TRAF2: variants seen among roughly 807,000 people sequenced by gnomAD.
TRAF2 encodes TNF receptor-associated factor 2.
In TRAF2, 6 loss-of-function variants were observed where a neutral mutation model predicts 55.6. The observed-to-expected ratio is 0.11, with a 90% CI of 0.06 to 0.21. The LOEUF (loss-of-function observed/expected upper bound fraction) is 0.21. TRAF2 is among the 10% of genes least tolerant of loss of function. The probability of loss-of-function intolerance (pLI) is 1.00; values close to 1 mark genes in which losing one functional copy is unlikely to be tolerated. For synonymous variants in TRAF2, 329 were observed against 276.3 expected (o/e 1.19, Z -1.89); for missense variants, 561 against 684.5 (o/e 0.82, Z 2.01).
intron 1 of TRAF2, among the ~76,000 whole-genome samples, chr9:136,893,929 T>A (rs994219532): frequency 6.6e-6 from 1 of 151,876 alleles, no homozygotes; most frequent in Non-Finnish European, 1.5e-5. Context: ...TTTGTATTTT[T>A]ACTAGAGATG....
intron 1 of TRAF2, among the ~76,000 whole-genome samples, chr9:136,891,373 G>A (rs561069068): frequency 6.6e-6 from 1 of 152,226 alleles, no homozygotes; most frequent in Admixed American, 6.5e-5. Flanking sequence ...CTCCCAAAGT[G>A]CTGGGATTAC....
intron 1 of TRAF2, chr9:136,889,423 A>AC (rs1849528845): frequency 6.6e-6 from 1 of 151,766 alleles, no homozygotes; most frequent in Non-Finnish European, 1.5e-5. Flanking sequence ...AGGTGGGATT[A>AC]CAGGCACCCA....
intron 1 of TRAF2, among the ~76,000 whole-genome samples, chr9:136,891,419 T>C (rs1403024432): frequency 1.3e-5 from 2 of 151,938 alleles, no homozygotes; most frequent in African/African-American, 4.8e-5. Flanking sequence ...TTTTTTTGTG[T>C]TTTTGGTAGA....
At chr9:136,919,680 T>TTCTTCCCTTCTTCCCTTCGTCCCG (rs17250546) in intron 7 of TRAF2, among the ~76,000 whole-genome samples, 2 of 148,724 alleles carry the variant, frequency 1.3e-5, no homozygotes, top group East Asian at 4.0e-4. Context: ...TTCCCTCCCC[T>TTCTTCCCTTCTTCCCTTCGTCCCG]TCTTCCCTTC....
intron 1 of TRAF2, chr9:136,889,549 T>C (rs559629089): frequency 6.6e-6 from 1 of 152,380 alleles, no homozygotes; most frequent in South Asian, 2.1e-4. Flanking sequence ...ACTCCCAAAG[T>C]GCTGGGATTA....
chr9:136,918,443 C>A (rs1018942794), intron 7 of TRAF2, among the ~76,000 whole-genome samples: 6 of 151,418 alleles, frequency 4.0e-5, no homozygotes, highest in African/African-American at 1.5e-4. Flanking sequence ...CTGTGTGCCA[C>A]CACACCCGGC....
chr9:136,883,882 C>T (rs1023832765), upstream of TRAF2, among the ~76,000 whole-genome samples: 3 of 147,882 alleles, frequency 2.0e-5, no homozygotes, highest in African/African-American at 5.1e-5. Flanking sequence ...AGTGTAGTGG[C>T]GCAATCTCGG....
intron 1 of TRAF2, among the ~76,000 whole-genome samples, chr9:136,893,959 G>A (rs964359066): frequency 2.7e-5 from 4 of 150,642 alleles, no homozygotes; most frequent in Non-Finnish European, 5.9e-5. Context: ...CATGTTGGTC[G>A]GGCTGGTCTC....
At chr9:136,907,333 T>A (rs969910116) in intron 4 of TRAF2, among the ~76,000 whole-genome samples, 1 of 152,252 alleles carries the variant, frequency 6.6e-6, no homozygotes, top group Non-Finnish European at 1.5e-5. Flanking sequence ...CACTACCAGG[T>A]TGTCAGCTCC....
At chr9:136,920,110 G>A in intron 7 of TRAF2, 124 bp from the exon 8 acceptor site, 7 of 1,237,436 alleles carry the variant, frequency 5.7e-6, no homozygotes, top group Non-Finnish European at 5.4e-6. Flanking sequence ...GGCCACCCAG[G>A]CATCCCTATC....
intron 6 of TRAF2, 104 bp downstream of exon 6, chr9:136,910,098 A>G: frequency 8.1e-7 from 1 of 1,234,206 alleles, no homozygotes; most frequent in Non-Finnish European, 1.2e-6. Flanking sequence ...CTTGTGCCCA[A>G]AGGAACAGCA....
At chr9:136,897,510 G>A (rs146176713) in intron 1 of TRAF2, among the ~76,000 whole-genome samples, 165 of 151,150 alleles carry the variant, frequency 1.1e-3, no homozygotes, top group African/African-American at 3.8e-3. Flanking sequence ...CCACATTCCT[G>A]CTCTAGGGGC....
At chr9:136,924,947 C>G (rs758507809) in intron 10 of TRAF2, among the ~76,000 whole-genome samples, 2 of 152,318 alleles carry the variant, frequency 1.3e-5, no homozygotes, top group South Asian at 2.1e-4. Flanking sequence ...CCATGTTGGC[C>G]AGGCTGGTCT....
chr9:136,903,690 G>T (rs7028806), intron 4 of TRAF2, among the ~76,000 whole-genome samples: 117,652 of 151,800 alleles, frequency 0.78, 45,973 homozygotes, highest in African/African-American at 0.87. Context: ...TTGTTTGTTT[G>T]TTGTTTTTTG....
At chr9:136,907,664 C>T (rs1849986555) in intron 4 of TRAF2, among the ~76,000 whole-genome samples, 1 of 152,154 alleles carries the variant, frequency 6.6e-6, no homozygotes, top group Non-Finnish European at 1.5e-5. Context: ...TCAGCCTGGA[C>T]CGCGTTGGGC....
chr9:136,899,413 G>C (rs1366536456), intron 2 of TRAF2, among the ~76,000 whole-genome samples, 181 bp from the exon 3 acceptor site: 2 of 151,946 alleles, frequency 1.3e-5, no homozygotes, highest in African/African-American at 4.9e-5. Context: ...GATAAAAACA[G>C]TGTGCTGTGA....
chr9:136,919,798 G>T (rs1463794813), intron 7 of TRAF2, among the ~76,000 whole-genome samples: 1 of 149,590 alleles, frequency 6.7e-6, no homozygotes, highest in Admixed American at 6.7e-5. Flanking sequence ...TCACTGCAGC[G>T]TCAACCTCCT....
chr9:136,887,919 GA>G (rs1849490493), intron 1 of TRAF2, among the ~76,000 whole-genome samples: 1 of 152,054 alleles, frequency 6.6e-6, no homozygotes, highest in African/African-American at 2.4e-5. Context: ...GCCCAGGCTG[GA>G]GTGCAGTGGC....
upstream of TRAF2, chr9:136,882,811 AGT>A: frequency 1.1e-6 from 1 of 903,940 alleles, no homozygotes; most frequent in Non-Finnish European, 1.3e-6. Flanking sequence ...CTTCCCAATC[AGT>A]GTGTGCCTCT....
Sources: gnomAD v4.1 joint callset for allele counts (sites outside exome capture counted in the v4.1 genomes callset) on GRCh38, gnomAD v4.1.1 for gene constraint, MANE v1.5 for transcripts, NCBI Gene and HGNC (gene_info 2026-07-23, HGNC 2026-07-21) for gene names.